Variants in DOCK11 observed in about 807,000 individuals in gnomAD.
The protein encoded by DOCK11 is dedicator of cytokinesis 11, also known as dedicator of cytokinesis protein 11.
DOCK11 carries 70 observed loss-of-function variants against 169.1 expected under a neutral mutation model. The ratio of observed to expected loss-of-function variants is 0.41; its 90% CI spans 0.34 to 0.51. DOCK11 has a LOEUF of 0.51. Among genes scored for constraint, DOCK11 ranks in the 20% least tolerant of loss-of-function variants. The probability of loss-of-function intolerance (pLI) is 0.10; values close to 1 mark genes in which losing one functional copy is unlikely to be tolerated. For synonymous variants in DOCK11, 529 were observed against 541.3 expected, an observed-to-expected ratio of 0.98 and a Z score of 0.32; for missense variants, 1,166 against 1,538.8, an observed-to-expected ratio of 0.76 and a Z score of 4.05.
rs747026752 is a variant in DOCK11 at position 118,624,654 on chromosome X, C to T, written c.3587C>T (p.Ser1196Phe). ...TLYSCAAMPN[S>F]ASRDEFPCGF... is the part of the protein sequence containing the mutation. Reference sequence around the variant, plus strand: ...TATTCTTGTGCAGCCATGCCTAATTCTGTAAGTAGTAATGTGTTTCTGTTG... The same window carrying T: ...TATTCTTGTGCAGCCATGCCTAATTTTGTAAGTAGTAATGTGTTTCTGTTG... Residue 1196 changes from serine to phenylalanine, a missense_variant and splice_region_variant, in exon 32 of 53, where the codon TCT (serine) becomes TTT (phenylalanine). Physicochemically the swap from Ser to Phe is radical, Grantham distance 155. Transcript: ENST00000276202. 2 of 1,143,560 alleles carry T rather than the reference C, an allele frequency of 1.7e-6. No individual in the cohort carries two copies. Among genetic ancestry groups the T allele is most frequent in the Admixed American group, 4.5e-5 (2 of 44,159 alleles). The allele number at this position is 1,143,560 out of a possible 1,213,427, so 94.2% of individuals were successfully genotyped here. A position where few individuals can be genotyped will look rare whatever the true frequency, so the allele number is the denominator to read the frequency against.
At chrX:118,516,022 TTC>T (rs2057683217) in intron 1 of DOCK11, among the ~76,000 whole-genome samples, 1 of 88,282 alleles carries the variant, frequency 1.1e-5, no homozygotes, top group African/African-American at 4.6e-5. Flanking sequence ...TATATATACA[TTC>T]TTACACCAGA....
intron 1 of DOCK11, among the ~76,000 whole-genome samples, chrX:118,503,741 C>T (rs1022892763): frequency 9.2e-6 from 1 of 109,130 alleles, no homozygotes; most frequent in South Asian, 4.0e-4. Flanking sequence ...AGAAGAAGAG[C>T]CAGGAAAAGG....
intron 1 of DOCK11, among the ~76,000 whole-genome samples, chrX:118,530,640 C>T: frequency 8.9e-6 from 1 of 112,262 alleles, no homozygotes. Flanking sequence ...TTTCATCCTT[C>T]GAGTCTCAGC....
chrX:118,589,217 AT>A (rs112612053), intron 18 of DOCK11, among the ~76,000 whole-genome samples: 5,019 of 104,694 alleles, frequency 0.048, 236 homozygotes, highest in African/African-American at 0.14. Flanking sequence ...TTGAAAAGAG[AT>A]TTTTTTTTTT....
chrX:118,608,205 AT>A (rs781313653), intron 25 of DOCK11, 25 bp from the exon 26 acceptor site: 115 of 1,172,821 alleles, frequency 9.8e-5, no homozygotes, highest in Admixed American at 2.7e-4. Flanking sequence ...CTTACAGTTC[AT>A]TTTTTTTTGT....
intron 28 of DOCK11, among the ~76,000 whole-genome samples, chrX:118,613,670 G>A (rs752226752): frequency 1.8e-4 from 20 of 112,357 alleles, no homozygotes; most frequent in South Asian, 1.5e-3. Flanking sequence ...AGTGCATCTC[G>A]AGGGGATAAT....
Position 118,628,156 on chromosome X carries a change from T to C in DOCK11, c.3665-7T>C, listed in dbSNP as rs112316913. 3,800 of 1,156,718 alleles carry C rather than the reference T, an allele frequency of 3.3e-3. 68 individuals are homozygous for C. In the African/African-American group the frequency reaches 0.051, roughly 16 times the overall value. On this transcript the variant is annotated splice_region_variant and splice_polypyrimidine_tract_variant and intron_variant, in intron 33 of 52. Coordinates refer to ENST00000276202, the MANE Select transcript of DOCK11 (RefSeq NM_144658.4). ...CCAACAAGGGCTTGACTTTTTTTTTTCCCCAGCTTATGGGTCTTTTCAAAA... is the reference window on the plus strand; with the variant it reads ...CCAACAAGGGCTTGACTTTTTTTTTCCCCCAGCTTATGGGTCTTTTCAAAA...
intron 34 of DOCK11, among the ~76,000 whole-genome samples, chrX:118,629,150 G>A (rs1001697347): frequency 9.0e-6 from 1 of 111,151 alleles, no homozygotes; most frequent in Non-Finnish European, 1.9e-5. Flanking sequence ...CTGCTGGTTG[G>A]GTATTGTTAC....
intron 24 of DOCK11, among the ~76,000 whole-genome samples, chrX:118,606,293 T>G (rs771158935): frequency 9.0e-6 from 1 of 111,410 alleles, no homozygotes; most frequent in South Asian, 3.8e-4. Context: ...GGTCTCAAAC[T>G]CCTGATCTCA....
intron 42 of DOCK11, among the ~76,000 whole-genome samples, chrX:118,653,015 TCTA>T (rs1340793642): frequency 8.9e-6 from 1 of 112,291 alleles, no homozygotes; most frequent in Non-Finnish European, 1.9e-5. Flanking sequence ...TCCAGCCAGT[TCTA>T]CTAGTTCCGC....
intron 36 of DOCK11, among the ~76,000 whole-genome samples, chrX:118,637,290 T>G (rs901971324): frequency 1.8e-5 from 2 of 111,412 alleles, no homozygotes; most frequent in East Asian, 5.6e-4. Flanking sequence ...TAGCCATGAG[T>G]TCAATCATTG....
chrX:118,535,156 A>G (rs112553446), intron 1 of DOCK11, among the ~76,000 whole-genome samples: 9 of 112,443 alleles, frequency 8.0e-5, no homozygotes, highest in African/African-American at 2.9e-4. Flanking sequence ...CATTCAAGGA[A>G]ATAAAATGTG....
chrX:118,540,779 G>A (rs1426556324), intron 1 of DOCK11, among the ~76,000 whole-genome samples: 2 of 111,874 alleles, frequency 1.8e-5, no homozygotes, highest in Non-Finnish European at 3.8e-5. Context: ...AGTGATACTA[G>A]AGACTACCTC....
At chrX:118,598,956 G>T (rs1438638056) in intron 22 of DOCK11, among the ~76,000 whole-genome samples, 183 bp from the exon 23 acceptor site, 1 of 111,913 alleles carries the variant, frequency 8.9e-6, no homozygotes, top group Admixed American at 9.5e-5. Flanking sequence ...TACCCCATGT[G>T]CTTGTGTACA....
intron 7 of DOCK11, among the ~76,000 whole-genome samples, chrX:118,564,699 G>C (rs2013019503): frequency 3.2e-5 from 3 of 92,911 alleles, no homozygotes; most frequent in South Asian, 6.4e-4. Context: ...CTTTCTTTCT[G>C]TTTCTTTCTC....
At chrX:118,674,824 AC>A (rs1372104426) in intron 46 of DOCK11, among the ~76,000 whole-genome samples, 4 of 111,938 alleles carry the variant, frequency 3.6e-5, no homozygotes, top group African/African-American at 1.3e-4. Flanking sequence ...ATCCTTACCA[AC>A]ATTTTTTATT....
rs748928878 is a variant in DOCK11 at position 118,599,159 on chromosome X, C to A, written c.2493C>A (p.Phe831Leu). The A allele has an allele frequency of 8.3e-7, 1 of 1,210,493 alleles. No homozygotes were observed. The highest frequency in any genetic ancestry group is 1.1e-6 in the Non-Finnish European group (1 of 894,581). The part of the protein sequence containing the change: ...IYTQDLHVHK[F>L]FHHCQLIQSG... ...TCCAGGATCTGCATGTGCACAAATT[C>A]TTCCATCATTGCCAGCTGATTCAGT... The change falls in exon 23 of 53, where the codon TTC becomes TTA. Residue 831 changes from phenylalanine (F) to leucine (L), a missense_variant. Transcript: ENST00000276202.
rs775069457 is a variant in DOCK11, at chrX:118,543,591, A to G, written c.390A>G (p.Pro130=). Residue 130 remains proline, a splice_region_variant and synonymous_variant, in exon 4 of 53, where the codon CCA becomes CCG. Transcript: ENST00000276202. ...EDFSGDFRML[P]CKSLRPEKIP... is the part of the protein sequence containing the mutation. ...TCTCTGGGGACTTTCGAATGTTGCCATGGTAAGTTTAGCATTCCAGGGAAA... is the reference window on the plus strand; with the variant it reads ...TCTCTGGGGACTTTCGAATGTTGCCGTGGTAAGTTTAGCATTCCAGGGAAA... The G allele has an allele frequency of 2.5e-6, 3 of 1,201,369 alleles. No individual in the cohort carries two copies. The highest frequency in any genetic ancestry group is 3.0e-5 in the East Asian group (1 of 33,809).
At chrX:118,599,833 A>G (rs766923642) in intron 23 of DOCK11, among the ~76,000 whole-genome samples, 33 of 112,167 alleles carry the variant, frequency 2.9e-4, no homozygotes, top group Non-Finnish European at 6.2e-4. Context: ...GTCTGAGGAA[A>G]TATTATTTTA....
Sources: allele counts gnomAD v4.1 joint callset (sites outside exome capture counted in the v4.1 genomes callset), GRCh38; gene constraint gnomAD v4.1.1; transcripts MANE v1.5; gene names NCBI Gene and HGNC (gene_info 2026-07-23, HGNC 2026-07-21).